Variants in EFCAB11 observed in about 807,000 individuals in gnomAD.
The protein encoded by EFCAB11 is EF-hand calcium-binding domain-containing protein 11.
In EFCAB11, 14 loss-of-function variants were observed where a neutral mutation model predicts 23.0. The ratio of observed to expected loss-of-function variants is 0.61; its 90% CI spans 0.40 to 0.95. The LOEUF is 0.95. EFCAB11 is among the 40% of genes least tolerant of loss of function. EFCAB11 has a pLI of 0.00. For synonymous variants in EFCAB11, 65 were observed against 66.6 expected (o/e 0.98, Z 0.11); for missense variants, 198 against 195.8 (o/e 1.01, Z -0.07).
intron 5 of EFCAB11, among the ~76,000 whole-genome samples, chr14:89,806,358 A>G (rs997422712): frequency 2.6e-5 from 4 of 152,202 alleles, no homozygotes; most frequent in Non-Finnish European, 5.9e-5. Flanking sequence ...GCCCTGGGCT[A>G]TATTTCCAGG....
At chr14:89,825,574 T>A (rs1251446044) in intron 5 of EFCAB11, among the ~76,000 whole-genome samples, 1 of 152,108 alleles carries the variant, frequency 6.6e-6, no homozygotes, top group African/African-American at 2.4e-5. Context: ...TTGATAGCCC[T>A]GAGCTAGACT....
intron 5 of EFCAB11, among the ~76,000 whole-genome samples, chr14:89,841,815 C>T (rs1467035448): frequency 6.6e-6 from 1 of 152,102 alleles, no homozygotes; most frequent in East Asian, 1.9e-4. Flanking sequence ...TATTCCAACC[C>T]TCTGAGGGTT....
chr14:89,944,842 AT>A (rs1437421223), intron 3 of EFCAB11, among the ~76,000 whole-genome samples: 1 of 150,958 alleles, frequency 6.6e-6, no homozygotes, highest in Non-Finnish European at 1.5e-5. Flanking sequence ...AGTGTATTAG[AT>A]TTTAATACAA....
intron 5 of EFCAB11, among the ~76,000 whole-genome samples, chr14:89,828,453 T>C (rs1314252555): frequency 6.6e-6 from 1 of 152,174 alleles, no homozygotes; most frequent in Non-Finnish European, 1.5e-5. Context: ...AGAAACCAAA[T>C]GATGACATGG....
intron 5 of EFCAB11, among the ~76,000 whole-genome samples, chr14:89,929,042 TATAC>T (rs1890295983): frequency 7.0e-6 from 1 of 142,562 alleles, no homozygotes. Context: ...TATATATATA[TATAC>T]ACACACACAT....
intron 5 of EFCAB11, among the ~76,000 whole-genome samples, chr14:89,798,952 A>G (rs1031708224): frequency 4.0e-5 from 6 of 151,892 alleles, no homozygotes; most frequent in African/African-American, 1.5e-4. Flanking sequence ...ACGCCTGGCT[A>G]ATTTTTGTAT....
At chr14:89,832,890 A>G (rs1886932368) in intron 5 of EFCAB11, among the ~76,000 whole-genome samples, 3 of 152,206 alleles carry the variant, frequency 2.0e-5, no homozygotes. Flanking sequence ...GTCACGGACC[A>G]TTTGTATGAA....
chr14:89,868,043 C>T (rs541508943), intron 5 of EFCAB11, among the ~76,000 whole-genome samples: 5 of 152,312 alleles, frequency 3.3e-5, no homozygotes, highest in South Asian at 4.1e-4. Flanking sequence ...CATTGTTGGG[C>T]GCCACATTCC....
intron 5 of EFCAB11, among the ~76,000 whole-genome samples, chr14:89,819,479 G>T (rs1886438731): frequency 6.6e-6 from 1 of 151,924 alleles, no homozygotes; most frequent in Non-Finnish European, 1.5e-5. Flanking sequence ...GAGTGCAGTT[G>T]CATGGTCACA....
At chr14:89,820,126 A>G (rs926792994) in intron 5 of EFCAB11, among the ~76,000 whole-genome samples, 1 of 152,232 alleles carries the variant, frequency 6.6e-6, no homozygotes, top group African/African-American at 2.4e-5. Flanking sequence ...GCCTAGGATT[A>G]CATAAGGCTA....
rs1454219401 is a variant in EFCAB11, at chr14:89,892,189, G to A, written c.410+39352C>T. 5.1e-6 allele frequency: 8 copies of A among 1,583,704 alleles called. No homozygotes were observed. In the East Asian group the frequency reaches 9.3e-5, roughly 18 times the overall value. On this transcript the variant is annotated intron_variant, in intron 5 of 5. Transcript: ENST00000316738. Reference sequence around the variant, plus strand: ...TGGTTGGCCACAAGAGTGACCTGCAGAGCACCCGCTGTGTCTCAGCCCAGG... The same window carrying A: ...TGGTTGGCCACAAGAGTGACCTGCAAAGCACCCGCTGTGTCTCAGCCCAGG...
At chr14:89,834,245 G>A (rs10873401) in intron 5 of EFCAB11, among the ~76,000 whole-genome samples, 36,686 of 151,156 alleles carry the variant, frequency 0.24, 4,753 homozygotes, top group East Asian at 0.54. Context: ...GCATGGTGGC[G>A]CGTGCCTGTA....
intron 5 of EFCAB11, chr14:89,923,824 C>T (rs1364021956): frequency 1.0e-6 from 1 of 985,272 alleles, no homozygotes; most frequent in Non-Finnish European, 1.2e-6. Context: ...AAATGATACT[C>T]CACAAGTTGG....
intron 3 of EFCAB11, among the ~76,000 whole-genome samples, chr14:89,943,803 T>C (rs1447908526): frequency 6.6e-6 from 1 of 152,124 alleles, no homozygotes; most frequent in Non-Finnish European, 1.5e-5. Flanking sequence ...TCTTGAATGT[T>C]TGTGGTCTTG....
intron 5 of EFCAB11, among the ~76,000 whole-genome samples, chr14:89,850,682 A>G (rs1347297828): frequency 1.3e-5 from 2 of 152,208 alleles, no homozygotes; most frequent in Non-Finnish European, 1.5e-5. Flanking sequence ...GTGTGTGTGT[A>G]TGAATTGATG....
intron 5 of EFCAB11, among the ~76,000 whole-genome samples, chr14:89,838,381 T>G (rs1887151277): frequency 6.6e-6 from 1 of 151,574 alleles, no homozygotes; most frequent in African/African-American, 2.4e-5. Context: ...GAAAAGAGAT[T>G]TGATGAACTG....
chr14:89,885,777 AAGAG>A (rs1356444487), intron 5 of EFCAB11, among the ~76,000 whole-genome samples: 1 of 123,988 alleles, frequency 8.1e-6, no homozygotes, highest in Admixed American at 7.9e-5. Context: ...GAAAGAAAGA[AAGAG>A]AGAAAGAAAG....
intron 5 of EFCAB11, among the ~76,000 whole-genome samples, chr14:89,853,526 C>T (rs975223901): frequency 3.3e-5 from 5 of 152,166 alleles, no homozygotes; most frequent in African/African-American, 1.2e-4. Context: ...ACCTAAGCAA[C>T]TTACCCAAAG....
In EFCAB11 at chr14:89,818,201, A is replaced by G. The variant is rs76658333; in HGVS notation, c.411-20877T>C. On this transcript the variant is annotated intron_variant, in intron 5 of 5. Coordinates refer to ENST00000316738, the MANE Select transcript of EFCAB11 (RefSeq NM_145231.4). ...ATGGTTAAAAGTTACAGAAGGAAAA[A>G]TATTTTAAATACCAAATTTAAGTAA... Among the ~76,000 whole-genome samples the G allele has an allele frequency of 4.9e-4, 75 of 152,308 alleles. No homozygotes were observed. In the East Asian group the frequency reaches 0.014, roughly 29 times the overall value.
Sources: gnomAD v4.1 joint callset for allele counts (sites outside exome capture counted in the v4.1 genomes callset) on GRCh38, gnomAD v4.1.1 for gene constraint, MANE v1.5 for transcripts, NCBI Gene and HGNC (gene_info 2026-07-23, HGNC 2026-07-21) for gene names.